Variants in TIMD4 observed in about 807,000 individuals in gnomAD.
TIMD4 encodes the protein T-cell immunoglobulin and mucin domain-containing protein 4.
Under a neutral mutation model 41.2 loss-of-function variants are expected in TIMD4, and 31 were observed. The ratio of observed to expected loss-of-function variants is 0.75; its 90% CI spans 0.57 to 1.01. The LOEUF is 1.01. TIMD4 is among the 50% of genes least tolerant of loss of function. The probability of loss-of-function intolerance (pLI) is 0.00; values close to 1 mark genes in which losing one functional copy is unlikely to be tolerated. For synonymous variants in TIMD4, 204 were observed against 177.1 expected (o/e 1.15, Z -1.21); for missense variants, 479 against 472.5 (o/e 1.01, Z -0.13).
chr5:156,951,327 T>C (rs1362494146), intron 3 of TIMD4, among the ~76,000 whole-genome samples, 185 bp downstream of exon 3: 1 of 152,032 alleles, frequency 6.6e-6, no homozygotes, highest in Non-Finnish European at 1.5e-5. Context: ...CCCAGAGCAG[T>C]GCGAAAATAA....
intron 1 of TIMD4, among the ~76,000 whole-genome samples, chr5:156,961,109 G>A (rs1213039578): frequency 5.9e-5 from 9 of 152,218 alleles, no homozygotes; most frequent in Non-Finnish European, 8.8e-5. Flanking sequence ...CATACAAAGA[G>A]CCAAGAGGTA....
chr5:156,955,529 G>A (rs1006630989), intron 1 of TIMD4, among the ~76,000 whole-genome samples: 5 of 152,034 alleles, frequency 3.3e-5, no homozygotes, highest in African/African-American at 4.8e-5. Context: ...GGTGGCAGGC[G>A]CCTATGGTCC....
chr5:156,951,457 TGC>T, intron 3 of TIMD4, 53 bp downstream of exon 3: 1 of 1,595,630 alleles, frequency 6.3e-7, no homozygotes, highest in Non-Finnish European at 8.6e-7. Flanking sequence ...GTCACTGGGC[TGC>T]CTCATTCAGT....
chr5:156,933,006 A>AAAAG (rs1759471467), intron 5 of TIMD4, among the ~76,000 whole-genome samples: 1 of 150,014 alleles, frequency 6.7e-6, no homozygotes, highest in Non-Finnish European at 1.5e-5. Flanking sequence ...TCTGTCTCAA[A>AAAAG]AAAAGAAAAG....
intron 5 of TIMD4, among the ~76,000 whole-genome samples, chr5:156,933,457 A>AC (rs36159008): frequency 0.021 from 2,592 of 123,170 alleles, 96 homozygotes; most frequent in African/African-American, 0.068. Flanking sequence ...TCGCCCCCCA[A>AC]CCCCCCCCCA....
intron 1 of TIMD4, among the ~76,000 whole-genome samples, chr5:156,956,526 G>A (rs149790766): frequency 3.6e-3 from 547 of 152,326 alleles, no homozygotes; most frequent in African/African-American, 0.012. Context: ...CAGTGCATAT[G>A]TACTTGAATC....
intron 5 of TIMD4, among the ~76,000 whole-genome samples, chr5:156,941,113 G>C (rs1759643582): frequency 6.6e-6 from 1 of 152,036 alleles, no homozygotes; most frequent in African/African-American, 2.4e-5. Context: ...ATGCTTGAAG[G>C]CAGCATGCTC....
At position 156,951,664 on chromosome 5, in the gene TIMD4, T is replaced by G. The variant is rs753617353; in HGVS notation, c.527A>C (p.Asp176Ala). 6.2e-7 allele frequency: 1 copy of G among 1,613,940 alleles called. No individual in the cohort carries two copies. Among genetic ancestry groups the G allele is most frequent in the South Asian group, 1.1e-5 (1 of 91,058 alleles). Reference sequence around the variant, plus strand: ...CTGGAGTGGTGTTCCGGTTGTGAGATCGGGTGTGGTCACGACTGTTGTTGG... The same window carrying G: ...CTGGAGTGGTGTTCCGGTTGTGAGAGCGGGTGTGGTCACGACTGTTGTTGG... ...ALPTTVVTTP[D>A]LTTGTPLQMT... is the part of the protein sequence containing the mutation. Residue 176 changes from aspartate to alanine, a missense_variant, in exon 3 of 9, where the codon GAT (aspartate) becomes GCT (alanine). Physicochemically the swap from Asp to Ala is moderately radical, Grantham distance 126. Coordinates refer to ENST00000274532, the MANE Select transcript of TIMD4 (RefSeq NM_138379.3).
chr5:156,929,513 T>C (rs1327553459), intron 5 of TIMD4, among the ~76,000 whole-genome samples: 1 of 152,116 alleles, frequency 6.6e-6, no homozygotes, highest in African/African-American at 2.4e-5. Flanking sequence ...ATGATTGGTG[T>C]CCTTAAGAGA....
intron 5 of TIMD4, among the ~76,000 whole-genome samples, chr5:156,929,443 T>C (rs1759408269): frequency 6.6e-6 from 1 of 152,180 alleles, no homozygotes; most frequent in East Asian, 1.9e-4. Context: ...TCCTTGCAGA[T>C]GTAATTAGTT....
intron 8 of TIMD4, 29 bp from the exon 9 acceptor site, chr5:156,919,570 G>T: frequency 6.3e-7 from 1 of 1,580,704 alleles, no homozygotes; most frequent in South Asian, 1.1e-5. Flanking sequence ...GGCTCATAAT[G>T]GGAAACACAA....
At chr5:156,956,228 T>C (rs1469929160) in intron 1 of TIMD4, among the ~76,000 whole-genome samples, 2 of 152,176 alleles carry the variant, frequency 1.3e-5, no homozygotes, top group Non-Finnish European at 2.9e-5. Context: ...AGATCTTCTA[T>C]TTGTCTTTCT....
chr5:156,943,087 T>C (rs1402578827), intron 5 of TIMD4, among the ~76,000 whole-genome samples: 2 of 152,140 alleles, frequency 1.3e-5, no homozygotes, highest in Non-Finnish European at 2.9e-5. Flanking sequence ...AAAAAAATCA[T>C]AAAACTGGAA....
intron 5 of TIMD4, among the ~76,000 whole-genome samples, chr5:156,939,267 A>G (rs558105476): frequency 6.6e-6 from 1 of 152,176 alleles, no homozygotes; most frequent in South Asian, 2.1e-4. Flanking sequence ...CGTGGACCTT[A>G]TAATAGAATC....
chr5:156,934,434 T>C (rs1212873191), intron 5 of TIMD4, among the ~76,000 whole-genome samples: 1 of 152,028 alleles, frequency 6.6e-6, no homozygotes, highest in Non-Finnish European at 1.5e-5. Flanking sequence ...GTGTGTGGTT[T>C]TTTTTGTTTG....
chr5:156,941,329 A>T lies in TIMD4; in HGVS notation c.844+7087T>A, dbSNP rs75258657. ...TGATCAATAAATACTAAAAAAAATTAAAAAAATGAACAATTCCTCATGACT... is the reference window on the plus strand; with the variant it reads ...TGATCAATAAATACTAAAAAAAATTTAAAAAATGAACAATTCCTCATGACT... On this transcript the variant is annotated intron_variant, in intron 5 of 8. Coordinates refer to ENST00000274532, the MANE Select transcript of TIMD4 (RefSeq NM_138379.3). Among the ~76,000 whole-genome samples, 165 of 152,328 alleles carry T rather than the reference A, an allele frequency of 1.1e-3. 1 individual carries two copies. The highest frequency in any genetic ancestry group is 3.4e-3 in the Middle Eastern group (1 of 294).
intron 1 of TIMD4, among the ~76,000 whole-genome samples, chr5:156,956,210 T>C (rs545178205): frequency 6.6e-6 from 1 of 152,166 alleles, no homozygotes; most frequent in South Asian, 2.1e-4. Context: ...AGATTCTGCA[T>C]ATAAGTGAGA....
intron 1 of TIMD4, among the ~76,000 whole-genome samples, chr5:156,959,982 G>T (rs1257959511): frequency 6.6e-6 from 1 of 152,030 alleles, no homozygotes; most frequent in Non-Finnish European, 1.5e-5. Flanking sequence ...GGCAGAAGTT[G>T]CAGTGAGCCG....
At chr5:156,963,090 C>A (rs1369983218) in intron 1 of TIMD4, 51 bp downstream of exon 1, 7 of 1,586,778 alleles carry the variant, frequency 4.4e-6, no homozygotes, top group Admixed American at 1.7e-5. Flanking sequence ...ATCCATCACA[C>A]AATAGCAAGT....
Sources: gnomAD v4.1 joint callset for allele counts (sites outside exome capture counted in the v4.1 genomes callset) on GRCh38, gnomAD v4.1.1 for gene constraint, MANE v1.5 for transcripts, NCBI Gene and HGNC (gene_info 2026-07-23, HGNC 2026-07-21) for gene names.